MAPKAP1: variants seen among roughly 807,000 people sequenced by gnomAD.
MAPKAP1 encodes the protein MAPK associated protein 1.
MAPKAP1 carries 20 observed loss-of-function variants against 65.7 expected under a neutral mutation model. The observed-to-expected ratio is 0.30, with a 90% confidence interval of 0.21 to 0.44. The LOEUF (loss-of-function observed/expected upper bound fraction) is 0.44. Ranked by LOEUF, MAPKAP1 falls within the 20% of genes least tolerant of loss-of-function variation. The pLI, the probability that MAPKAP1 is intolerant of heterozygous loss-of-function variation, is 1.00. For missense variants in MAPKAP1, 423 were observed against 648.0 expected, an observed-to-expected ratio of 0.65 and a Z score of 3.77; for synonymous variants, 222 against 244.3, an observed-to-expected ratio of 0.91 and a Z score of 0.85.
intron 4 of MAPKAP1, among the ~76,000 whole-genome samples, chr9:125,586,963 T>A (rs902507186): frequency 2.0e-5 from 3 of 152,212 alleles, no homozygotes; most frequent in African/African-American, 7.2e-5. Flanking sequence ...TCTACTCCAT[T>A]AGGAAGTTCT....
Position 125,672,633 on chromosome 9 carries a change from A to G in MAPKAP1, c.-59T>C. The G allele has an allele frequency of 6.4e-7, 1 of 1,570,712 alleles. No individual in the cohort carries two copies. The highest frequency in any genetic ancestry group is 8.7e-7 in the Non-Finnish European group (1 of 1,148,706). ...TTTCTCCTCTTCATATTGTTTCACG[A>G]GCTCACCTACCTAGAAACATGATGT... On this transcript the variant is annotated 5_prime_UTR_variant, in exon 2 of 12. Transcript: ENST00000265960.
intron 7 of MAPKAP1, among the ~76,000 whole-genome samples, chr9:125,511,177 CAT>C (rs770905712): frequency 0.015 from 2,203 of 148,330 alleles, 18 homozygotes; most frequent in South Asian, 0.041. Context: ...TCATCATCAT[CAT>C]CATCATCATC....
intron 7 of MAPKAP1, among the ~76,000 whole-genome samples, chr9:125,511,336 T>A (rs1053834142): frequency 6.6e-6 from 1 of 152,168 alleles, no homozygotes; most frequent in East Asian, 1.9e-4. Context: ...TTGGTCACCC[T>A]AAGATGTAAA....
At chr9:125,557,664 A>AGGCAGG (rs1202917397) in intron 6 of MAPKAP1, among the ~76,000 whole-genome samples, 2 of 148,042 alleles carry the variant, frequency 1.4e-5, no homozygotes, top group Admixed American at 1.5e-4. Flanking sequence ...CCACACAAGG[A>AGGCAGG]AGCAATCTAA....
At chr9:125,482,426 C>G (rs1424781778) in intron 9 of MAPKAP1, among the ~76,000 whole-genome samples, 2 of 152,128 alleles carry the variant, frequency 1.3e-5, no homozygotes, top group Non-Finnish European at 2.9e-5. Context: ...TTTTTGAGAA[C>G]TGGCTTCTTT....
chr9:125,600,290 A>G (rs1356055434), intron 4 of MAPKAP1, among the ~76,000 whole-genome samples: 1 of 152,026 alleles, frequency 6.6e-6, no homozygotes. Context: ...TTCAGAAAGC[A>G]ATTCTTGATA....
intron 7 of MAPKAP1, among the ~76,000 whole-genome samples, chr9:125,514,330 C>G (rs1024603736): frequency 2.4e-4 from 36 of 152,164 alleles, no homozygotes; most frequent in African/African-American, 8.4e-4. Flanking sequence ...AATTTACCAG[C>G]TCAAGCTGCC....
In MAPKAP1 at chr9:125,547,395, G is replaced by A. The variant is rs185903494; in HGVS notation, c.849-4227C>T. 6.3e-4 allele frequency among the ~76,000 whole-genome samples: 96 copies of A among 152,304 alleles called. 1 individual carries two copies. Among genetic ancestry groups the A allele is most frequent in the Non-Finnish European group, 1.2e-3 (80 of 68,022 alleles). ...TAAATACCCTTTGACCGAAATCTTG[G>A]TTCCGTGGCTAACGGAGATGTTGCT... On this transcript the variant is annotated intron_variant, in intron 6 of 11. Transcript: ENST00000265960.
At chr9:125,592,977 CA>C (rs1008839815) in intron 4 of MAPKAP1, among the ~76,000 whole-genome samples, 246 of 115,442 alleles carry the variant, frequency 2.1e-3, no homozygotes, top group East Asian at 5.7e-3. Flanking sequence ...AAATATAACT[CA>C]AAAAAAAAAA....
intron 5 of MAPKAP1, among the ~76,000 whole-genome samples, chr9:125,571,519 T>C (rs1219234582): frequency 1.3e-5 from 2 of 152,228 alleles, no homozygotes; most frequent in African/African-American, 4.8e-5. Flanking sequence ...CTGAATTAAC[T>C]GGACCAATAG....
intron 8 of MAPKAP1, among the ~76,000 whole-genome samples, chr9:125,496,209 A>G (rs916716852): frequency 6.6e-6 from 1 of 152,216 alleles, no homozygotes; most frequent in Non-Finnish European, 1.5e-5. Flanking sequence ...AGAGAGGAAG[A>G]CAAGGACTCA....
intron 4 of MAPKAP1, among the ~76,000 whole-genome samples, chr9:125,592,759 C>T (rs759473644): frequency 4.0e-5 from 6 of 151,352 alleles, no homozygotes; most frequent in African/African-American, 1.2e-4. Context: ...AAAAATTAGC[C>T]GGGCGTGGTG....
intron 8 of MAPKAP1, among the ~76,000 whole-genome samples, chr9:125,496,088 T>C (rs564914625): frequency 6.6e-6 from 1 of 152,164 alleles, no homozygotes; most frequent in South Asian, 2.1e-4. Context: ...GGGAATACCA[T>C]CACATTTTGC....
chr9:125,602,605 G>A (rs988360879), intron 4 of MAPKAP1, among the ~76,000 whole-genome samples: 1 of 152,062 alleles, frequency 6.6e-6, no homozygotes, highest in Non-Finnish European at 1.5e-5. Flanking sequence ...GACGGGGCCA[G>A]GCACAGAAAG....
chr9:125,685,808 C>T (rs1834957227), intron 1 of MAPKAP1, among the ~76,000 whole-genome samples: 1 of 152,168 alleles, frequency 6.6e-6, no homozygotes, highest in Admixed American at 6.5e-5. Flanking sequence ...GAATAGACAA[C>T]AGGTGCATCT....
intron 4 of MAPKAP1, chr9:125,596,289 G>C (rs1832123293): frequency 1.3e-6 from 1 of 760,300 alleles, no homozygotes; most frequent in South Asian, 1.3e-5. Context: ...TCGTGAAGGT[G>C]ACTTCGGTAG....
At chr9:125,706,786 C>CA (rs1221640145) in intron 1 of MAPKAP1, among the ~76,000 whole-genome samples, 185 bp downstream of exon 1, 1 of 152,148 alleles carries the variant, frequency 6.6e-6, no homozygotes, top group Non-Finnish European at 1.5e-5. Context: ...ACACCCGCCT[C>CA]AGACTCCTGA....
chr9:125,627,733 A>AC (rs1437396864), intron 4 of MAPKAP1, among the ~76,000 whole-genome samples: 1 of 151,844 alleles, frequency 6.6e-6, no homozygotes, highest in Non-Finnish European at 1.5e-5. Context: ...ACCCCATCTC[A>AC]CCCTCCAAAA....
intron 7 of MAPKAP1, among the ~76,000 whole-genome samples, chr9:125,540,095 G>C (rs989336733): frequency 3.3e-5 from 5 of 152,206 alleles, no homozygotes; most frequent in African/African-American, 9.6e-5. Flanking sequence ...GTAAATGACA[G>C]TCTATCCTAA....
Sources: allele counts gnomAD v4.1 joint callset (sites outside exome capture counted in the v4.1 genomes callset), GRCh38; gene constraint gnomAD v4.1.1; transcripts MANE v1.5; gene names NCBI Gene and HGNC (gene_info 2026-07-23, HGNC 2026-07-21).